Variants in ZPLD1 observed in about 807,000 individuals in gnomAD.
The protein encoded by ZPLD1 is zona pellucida like domain containing 1, also known as zona pellucida-like domain-containing protein 1.
Under a neutral mutation model 47.2 loss-of-function variants are expected in ZPLD1, and 34 were observed. That is an observed-to-expected ratio of 0.72 (90% CI 0.55 to 0.96). The LOEUF is 0.96. Ranked by LOEUF, ZPLD1 falls within the 40% of genes least tolerant of loss-of-function variation. The probability of loss-of-function intolerance (pLI) is 0.00; values close to 1 mark genes in which losing one functional copy is unlikely to be tolerated. For synonymous variants in ZPLD1, 176 were observed against 186.2 expected, an observed-to-expected ratio of 0.95 and a Z score of 0.45; for missense variants, 512 against 505.8, an observed-to-expected ratio of 1.01 and a Z score of -0.12.
intron 10 of ZPLD1, among the ~76,000 whole-genome samples, chr3:102,471,952 G>A (rs1381120697): frequency 6.6e-6 from 1 of 152,086 alleles, no homozygotes; most frequent in African/African-American, 2.4e-5. Flanking sequence ...CCTTAATGCT[G>A]TTATTATGTT....
At chr3:102,447,724 T>C (rs918019697) in intron 3 of ZPLD1, among the ~76,000 whole-genome samples, 12 of 152,138 alleles carry the variant, frequency 7.9e-5, no homozygotes, top group African/African-American at 2.9e-4. Flanking sequence ...TAGATTTAAG[T>C]AAGGTCAGTA....
At chr3:102,462,212 G>A (rs1707516930) in intron 6 of ZPLD1, 69 bp from the exon 7 acceptor site, 3 of 929,542 alleles carry the variant, frequency 3.2e-6, no homozygotes, top group African/African-American at 1.7e-5. Context: ...CTCTAATATT[G>A]TTGTTTTAAG....
intron 4 of ZPLD1, among the ~76,000 whole-genome samples, chr3:102,455,159 G>T (rs1355650719): frequency 6.6e-6 from 1 of 152,146 alleles, no homozygotes; most frequent in Admixed American, 6.5e-5. Flanking sequence ...GTGCTGTTAG[G>T]TTCATGCATA....
chr3:102,474,740 T>C (rs888885321), intron 10 of ZPLD1, among the ~76,000 whole-genome samples: 4 of 152,226 alleles, frequency 2.6e-5, no homozygotes, highest in African/African-American at 9.7e-5. Flanking sequence ...GGCTTTCAAA[T>C]GGCTGTGGCA....
At chr3:102,468,172 C>G (rs981660620) in intron 8 of ZPLD1, among the ~76,000 whole-genome samples, 3 of 152,050 alleles carry the variant, frequency 2.0e-5, no homozygotes, top group Non-Finnish European at 4.4e-5. Context: ...CCATACATTT[C>G]GCTGATGTAG....
chr3:102,434,087 A>G (rs1000278328), upstream of ZPLD1, among the ~76,000 whole-genome samples: 1 of 152,186 alleles, frequency 6.6e-6, no homozygotes, highest in Non-Finnish European at 1.5e-5. Flanking sequence ...GCCATTTACT[A>G]TGTCTGTGAC....
rs368781846 is a variant in ZPLD1, at chr3:102,449,780, T to C, written c.107-3139T>C. On this transcript the variant is annotated intron_variant, in intron 3 of 11. Coordinates refer to ENST00000466937, the MANE Select transcript of ZPLD1 (RefSeq NM_001329788.2). ...AGGCATGTATATATAGGAAAGAACA[T>C]ACTATATATGTTTCATTATAATCTG... Among the ~76,000 whole-genome samples the C allele has an allele frequency of 7.4e-4, 113 of 152,322 alleles. 1 individual carries two copies. In the South Asian group the frequency reaches 0.015, roughly 20 times the overall value.
chr3:102,437,879 C>T (rs940500047), intron 2 of ZPLD1, among the ~76,000 whole-genome samples: 7 of 152,204 alleles, frequency 4.6e-5, no homozygotes, highest in African/African-American at 1.7e-4. Context: ...AGAGTATTTT[C>T]CTGTTCTTCC....
intron 3 of ZPLD1, among the ~76,000 whole-genome samples, chr3:102,444,206 C>T (rs1707222497): frequency 6.6e-6 from 1 of 152,066 alleles, no homozygotes; most frequent in Non-Finnish European, 1.5e-5. Flanking sequence ...TTTCTGGTTC[C>T]AAAGAATGTG....
chr3:102,458,551 G>T (rs1644431523), intron 6 of ZPLD1, among the ~76,000 whole-genome samples: 1 of 151,958 alleles, frequency 6.6e-6, no homozygotes, highest in South Asian at 2.1e-4. Flanking sequence ...TTATGAATCG[G>T]ATTTTTGCAT....
chr3:102,414,823 G>C (rs983983081), intron 7 of ZPLD1, among the ~76,000 whole-genome samples: 2 of 151,714 alleles, frequency 1.3e-5, no homozygotes, highest in African/African-American at 4.8e-5. Context: ...CAATATATCA[G>C]TATTTCCAGT....
At chr3:102,406,825 C>T (rs1046680638) in intron 7 of ZPLD1, among the ~76,000 whole-genome samples, 1 of 151,862 alleles carries the variant, frequency 6.6e-6, no homozygotes, top group African/African-American at 2.4e-5. Context: ...TGAGTGAAAT[C>T]GTTCAGAATT....
chr3:102,470,923 C>A (rs554374570), intron 10 of ZPLD1, among the ~76,000 whole-genome samples: 1 of 151,962 alleles, frequency 6.6e-6, no homozygotes, highest in African/African-American at 2.4e-5. Context: ...AGATTACAGG[C>A]GCCTGCCACC....
chr3:102,403,250 A>T (rs1209963686), intron 7 of ZPLD1, among the ~76,000 whole-genome samples: 1 of 151,954 alleles, frequency 6.6e-6, no homozygotes, highest in African/African-American at 2.4e-5. Flanking sequence ...GAGAAAAAAA[A>T]ATTCTCCATC....
At chr3:102,386,804 T>C (rs1041873191) in intron 6 of ZPLD1, among the ~76,000 whole-genome samples, 1 of 152,112 alleles carries the variant, frequency 6.6e-6, no homozygotes, top group Non-Finnish European at 1.5e-5. Context: ...GAAATATATA[T>C]GCCAATTTAG....
chr3:102,425,524 T>A (rs1365859373), intron 8 of ZPLD1, among the ~76,000 whole-genome samples: 1 of 152,144 alleles, frequency 6.6e-6, no homozygotes, highest in African/African-American at 2.4e-5. Flanking sequence ...CTAAAGCAAC[T>A]TTTCTTTTGA....
chr3:102,403,127 C>T (rs1354038929), intron 7 of ZPLD1, among the ~76,000 whole-genome samples: 1 of 151,864 alleles, frequency 6.6e-6, no homozygotes, highest in East Asian at 1.9e-4. Context: ...AGCAGCTTTA[C>T]AATTTTCACA....
intron 10 of ZPLD1, among the ~76,000 whole-genome samples, chr3:102,470,856 G>T (rs1472334399): frequency 6.6e-6 from 1 of 151,498 alleles, no homozygotes; most frequent in Non-Finnish European, 1.5e-5. Context: ...TCGGCTCACT[G>T]CAACCTCCGC....
chr3:102,458,058 T>G (rs1437074587), intron 6 of ZPLD1, among the ~76,000 whole-genome samples: 1 of 152,230 alleles, frequency 6.6e-6, no homozygotes, highest in Non-Finnish European at 1.5e-5. Flanking sequence ...AAAGTTGATA[T>G]AAGATTTAAA....
Sources: allele counts gnomAD v4.1 joint callset (sites outside exome capture counted in the v4.1 genomes callset), GRCh38; gene constraint gnomAD v4.1.1; transcripts MANE v1.5; gene names NCBI Gene and HGNC (gene_info 2026-07-23, HGNC 2026-07-21).